Variants in FKBP3 observed in about 807,000 individuals in gnomAD.
FKBP3 encodes the protein peptidyl-prolyl cis-trans isomerase FKBP3.
Under a neutral mutation model 30.6 loss-of-function variants are expected in FKBP3, and 21 were observed. The observed-to-expected ratio is 0.69, with a 90% CI of 0.49 to 0.99. The LOEUF is 0.99. Ranked by LOEUF, FKBP3 falls within the 50% of genes least tolerant of loss-of-function variation. The pLI is 0.00. For missense variants in FKBP3, 283 were observed against 261.6 expected (o/e 1.08, Z -0.56); for synonymous variants, 82 against 91.3 (o/e 0.90, Z 0.58).
chr14:45,130,818 G>T lies in FKBP3; in HGVS notation c.109-18C>A. The T allele has an allele frequency of 6.8e-7, 1 of 1,463,138 alleles. No individual in the cohort carries two copies. The highest frequency in any genetic ancestry group is 9.4e-7 in the Non-Finnish European group (1 of 1,058,546). 90.6% of individuals were successfully genotyped at this position (1,463,138 alleles called of 1,614,324 possible). ...GCAAGAAACTATAAGGAAAAAAGCTGGGTAATCAAGATAACTTCTCCCGAG... is the reference window on the plus strand; with the variant it reads ...GCAAGAAACTATAAGGAAAAAAGCTTGGTAATCAAGATAACTTCTCCCGAG... On this transcript the variant is annotated intron_variant, in intron 1 of 6. Transcript: ENST00000396062.
At chr14:45,134,087 C>T (rs1885299256) in intron 1 of FKBP3, among the ~76,000 whole-genome samples, 2 of 152,230 alleles carry the variant, frequency 1.3e-5, no homozygotes, top group South Asian at 4.1e-4. Flanking sequence ...CACCCCCACT[C>T]AAGGATCCCA....
intron 6 of FKBP3, among the ~76,000 whole-genome samples, chr14:45,116,808 A>T (rs1884852887): frequency 6.6e-6 from 1 of 152,080 alleles, no homozygotes; most frequent in South Asian, 2.1e-4. Context: ...GCAAGCTGAG[A>T]TCACGCTGCT....
Position 45,134,472 on chromosome 14 carries a change from C to T in FKBP3, c.-16G>A. Reference sequence around the variant, plus strand: ...CCGCCGCCATCTTCCCCCGCTGCCTCCGCTTTACTGAGCCAGCCCGCCGCA... The same window carrying T: ...CCGCCGCCATCTTCCCCCGCTGCCTTCGCTTTACTGAGCCAGCCCGCCGCA... On this transcript the variant is annotated 5_prime_UTR_variant, in exon 1 of 7. Coordinates refer to ENST00000396062, the MANE Select transcript of FKBP3 (RefSeq NM_002013.4). The T allele has an allele frequency of 2.5e-6, 4 of 1,607,816 alleles. No individual in the cohort carries two copies. Among genetic ancestry groups the T allele is most frequent in the South Asian group, 1.1e-5 (1 of 90,674 alleles).
intron 3 of FKBP3, among the ~76,000 whole-genome samples, chr14:45,127,824 G>A (rs1039614380): frequency 6.6e-6 from 1 of 152,094 alleles, no homozygotes; most frequent in Admixed American, 6.5e-5. Flanking sequence ...AATGAACAAC[G>A]TTTTTAACAT....
chr14:45,117,972 G>C, intron 6 of FKBP3, 56 bp downstream of exon 6: 1 of 1,264,136 alleles, frequency 7.9e-7, no homozygotes, highest in Non-Finnish European at 1.1e-6. Flanking sequence ...ATCCTCAAAG[G>C]TGATCTAGAC....
In FKBP3 at chr14:45,127,030, C is replaced by T. The variant is rs562413630; in HGVS notation, c.318+2764G>A. Among the ~76,000 whole-genome samples the T allele has an allele frequency of 2.0e-5, 3 of 151,906 alleles. No individual in the cohort carries two copies. In the East Asian group the frequency reaches 5.9e-4, roughly 30 times the overall value. ...GGGGTTTCACCATGTTGGTCTCAAA[C>T]TCCTGACCTCAAGTGATCTGCTCCT... On this transcript the variant is annotated intron_variant, in intron 3 of 6. Transcript: ENST00000396062.
At chr14:45,119,909 A>C (rs547474211) in intron 5 of FKBP3, among the ~76,000 whole-genome samples, 2 of 152,094 alleles carry the variant, frequency 1.3e-5, no homozygotes, top group East Asian at 3.9e-4. Context: ...TATGGTCTCG[A>C]TCTCCTGACC....
rs1209564557 is a variant in FKBP3 at position 45,134,469 on chromosome 14, C to T, written c.-13G>A. ...CGGCCGCCGCCATCTTCCCCCGCTG[C>T]CTCCGCTTTACTGAGCCAGCCCGCC... On this transcript the variant is annotated 5_prime_UTR_variant, in exon 1 of 7. Coordinates refer to ENST00000396062, the MANE Select transcript of FKBP3 (RefSeq NM_002013.4). 1.2e-6 allele frequency: 2 copies of T among 1,608,380 alleles called. No homozygotes were observed. Among genetic ancestry groups the T allele is most frequent in the Non-Finnish European group, 8.5e-7 (1 of 1,176,754 alleles).
chr14:45,122,554 G>A (rs1391045612), intron 3 of FKBP3, among the ~76,000 whole-genome samples: 1 of 151,960 alleles, frequency 6.6e-6, no homozygotes, highest in African/African-American at 2.4e-5. Flanking sequence ...AGGCTGGAGT[G>A]CAGCGGTGTG....
intron 6 of FKBP3, among the ~76,000 whole-genome samples, chr14:45,117,409 C>T (rs764820781): frequency 2.0e-5 from 3 of 152,194 alleles, no homozygotes; most frequent in Non-Finnish European, 4.4e-5. Context: ...ATGGAACCAA[C>T]AAAAGCCATA....
intron 4 of FKBP3, 135 bp downstream of exon 4, chr14:45,121,350 G>T: frequency 1.4e-6 from 1 of 692,052 alleles, no homozygotes; most frequent in South Asian, 2.2e-5. Context: ...CTTCCAAGTA[G>T]ATCTTGGGGG....
intron 6 of FKBP3, among the ~76,000 whole-genome samples, chr14:45,117,527 T>A (rs970242982): frequency 1.3e-5 from 2 of 152,186 alleles, no homozygotes; most frequent in African/African-American, 4.8e-5. Flanking sequence ...GTGAGTATTG[T>A]CATTAGTAGT....
In FKBP3 at chr14:45,116,241, T is replaced by C; in HGVS notation, c.632A>G (p.Asn211Ser). The part of the protein sequence containing the change: ...KGQPDAKIPP[N>S]AKLTFEVELV... ...TTCCACTTCAAAAGTGAGTTTTGCATTTGGTGGAATTCTGTTGAAGAAGTC... is the reference window on the plus strand; with the variant it reads ...TTCCACTTCAAAAGTGAGTTTTGCACTTGGTGGAATTCTGTTGAAGAAGTC... The change falls in exon 7 of 7, where the codon AAT becomes AGT. Residue 211 changes from asparagine to serine, a missense_variant. Asn to Ser is a conservative substitution (Grantham distance 46). Coordinates refer to ENST00000396062, the MANE Select transcript of FKBP3 (RefSeq NM_002013.4). 2 of 1,612,774 alleles carry C rather than the reference T, an allele frequency of 1.2e-6. No homozygotes were observed. Among genetic ancestry groups the C allele is most frequent in the Non-Finnish European group, 1.7e-6 (2 of 1,178,956 alleles).
At chr14:45,121,978 G>T (rs1300641642) in intron 3 of FKBP3, among the ~76,000 whole-genome samples, 1 of 152,084 alleles carries the variant, frequency 6.6e-6, no homozygotes, top group African/African-American at 2.4e-5. Flanking sequence ...ATAAGGGATG[G>T]TGACTTCCCC....
intron 5 of FKBP3, among the ~76,000 whole-genome samples, chr14:45,120,077 C>CTTA (rs1884950631): frequency 6.6e-6 from 1 of 152,180 alleles, no homozygotes; most frequent in African/African-American, 2.4e-5. Flanking sequence ...TGAACCATAT[C>CTTA]TTAGGACCTA....
chr14:45,129,518 G>A lies in FKBP3; in HGVS notation c.318+276C>T, dbSNP rs545683191. ...AGAATCAAGGCCTTAAAATAGCTTTGAAAGCTCAGAAGGTCTGGACAGATG... is the reference window on the plus strand; with the variant it reads ...AGAATCAAGGCCTTAAAATAGCTTTAAAAGCTCAGAAGGTCTGGACAGATG... On this transcript the variant is annotated intron_variant, in intron 3 of 6. Transcript: ENST00000396062. 3.9e-5 allele frequency among the ~76,000 whole-genome samples: 6 copies of A among 152,246 alleles called. No individual in the cohort carries two copies. The South Asian group carries it at 1.0e-3, about 26-fold the overall frequency.
chr14:45,121,358 G>A (rs1049393315), intron 4 of FKBP3, 127 bp downstream of exon 4: 3 of 724,028 alleles, frequency 4.1e-6, no homozygotes, highest in South Asian at 2.2e-5. Context: ...TAGATCTTGG[G>A]GGAAAGTATG....
intron 1 of FKBP3, among the ~76,000 whole-genome samples, chr14:45,132,467 G>A (rs1007837154): frequency 1.3e-5 from 2 of 151,852 alleles, no homozygotes; most frequent in Admixed American, 6.6e-5. Flanking sequence ...GCCCAATCTC[G>A]GCCCACTGCA....
In FKBP3 at chr14:45,118,083, G is replaced by A. The variant is rs202030646; in HGVS notation, c.565C>T (p.Arg189Ter). The A allele has an allele frequency of 2.5e-6, 4 of 1,607,116 alleles. No homozygotes were observed. In the African/African-American group the frequency reaches 4.0e-5, roughly 16 times the overall value. Residue 189 changes from arginine (R) to a stop codon, truncating the protein, a stop_gained, in exon 6 of 7, where the codon CGA becomes TGA. Transcript: ENST00000396062. LOFTEE classifies it high-confidence loss of function. The part of the protein sequence containing the change: ...LLTMSKGEKA[R>*]LEIEPEWAYG... ...GCCCATTCTGGTTCAATCTCCAGTC[G>A]AGCCTTTTCTCCTTTACTCATAGTC...
Sources: allele counts gnomAD v4.1 joint callset (sites outside exome capture counted in the v4.1 genomes callset), GRCh38; gene constraint gnomAD v4.1.1; transcripts MANE v1.5; gene names NCBI Gene and HGNC (gene_info 2026-07-23, HGNC 2026-07-21).